MRAP: variants seen among roughly 807,000 people sequenced by gnomAD.
The protein encoded by MRAP is melanocortin 2 receptor accessory protein.
A neutral mutation model predicts 8.7 loss-of-function variants in MRAP; 8 were observed. The ratio of observed to expected loss-of-function variants is 0.92; its 90% CI spans 0.54 to 1.66. The LOEUF (loss-of-function observed/expected upper bound fraction) is 1.66. Ranked by LOEUF, MRAP falls within the 40% of genes most tolerant of loss-of-function variation. The pLI is 0.00. For missense variants in MRAP, 237 were observed against 217.1 expected (o/e 1.09, Z -0.58); for synonymous variants, 95 against 95.5 (o/e 1.00, Z 0.03).
chr21:32,295,394 G>A (rs1262313261), upstream of MRAP, among the ~76,000 whole-genome samples: 1 of 152,128 alleles, frequency 6.6e-6, no homozygotes, highest in African/African-American at 2.4e-5. Context: ...TGCCATGCTT[G>A]AGCCCACTCG....
chr21:32,297,364 T>C (rs1569024378), upstream of MRAP, among the ~76,000 whole-genome samples: 1 of 152,178 alleles, frequency 6.6e-6, no homozygotes, highest in African/African-American at 2.4e-5. Context: ...CATAATGGAA[T>C]ATAATAATCA....
intron 1 of MRAP, chr21:32,306,427 G>C: frequency 1.6e-6 from 1 of 615,824 alleles, no homozygotes; most frequent in South Asian, 1.8e-5. Context: ...CCCGTGGCCA[G>C]CTGCCCTGAG....
intron 1 of MRAP, among the ~76,000 whole-genome samples, chr21:32,303,267 G>A (rs1461042834): frequency 6.6e-6 from 1 of 152,136 alleles, no homozygotes; most frequent in Non-Finnish European, 1.5e-5. Flanking sequence ...TACAGGCTGA[G>A]GCACCATGCC....
chr21:32,310,022 G>C (rs138411259), intron 2 of MRAP, among the ~76,000 whole-genome samples: 87 of 152,234 alleles, frequency 5.7e-4, no homozygotes, highest in African/African-American at 1.9e-3. Flanking sequence ...ATAAACGAGT[G>C]ATGTCACCTT....
At chr21:32,298,235 C>CT (rs1362195965), upstream of MRAP, among the ~76,000 whole-genome samples, 1 of 152,140 alleles carries the variant, frequency 6.6e-6, no homozygotes, top group Non-Finnish European at 1.5e-5. Flanking sequence ...TGAGTGGACT[C>CT]TATTTCCCAA....
intron 1 of MRAP, among the ~76,000 whole-genome samples, chr21:32,305,785 T>C (rs914144142): frequency 1.3e-4 from 20 of 152,026 alleles, no homozygotes; most frequent in African/African-American, 4.4e-4. Flanking sequence ...ACGAGCCGGA[T>C]TGCCCACAGC....
chr21:32,292,984 T>C (rs898253913), intron 1 of MRAP: 1 of 152,196 alleles, frequency 6.6e-6, no homozygotes, highest in African/African-American at 2.4e-5. Flanking sequence ...TTACTTTATG[T>C]GGCAAAAGGG....
intron 2 of MRAP, among the ~76,000 whole-genome samples, chr21:32,308,320 T>C (rs1306934563): frequency 1.3e-5 from 2 of 151,338 alleles, no homozygotes; most frequent in Non-Finnish European, 2.9e-5. Flanking sequence ...GAGGTTGCAG[T>C]GAACCGAGAT....
At chr21:32,303,664 TTTCA>T (rs2032338065) in intron 1 of MRAP, among the ~76,000 whole-genome samples, 1 of 152,210 alleles carries the variant, frequency 6.6e-6, no homozygotes, top group South Asian at 2.1e-4. Flanking sequence ...GCTGGACCAC[TTTCA>T]TTGTCAACCC....
chr21:32,292,206 T>C (rs2032061883), intron 1 of MRAP, among the ~76,000 whole-genome samples: 1 of 152,118 alleles, frequency 6.6e-6, no homozygotes, highest in African/African-American at 2.4e-5. Context: ...TGAAATGATA[T>C]ATTTTGAATT....
chr21:32,295,370 G>A (rs1050362936), upstream of MRAP, among the ~76,000 whole-genome samples: 1 of 152,110 alleles, frequency 6.6e-6, no homozygotes, highest in Non-Finnish European at 1.5e-5. Context: ...CTCCCTGGGG[G>A]TGGGCTGTCC....
intron 1 of MRAP, among the ~76,000 whole-genome samples, chr21:32,300,244 C>T (rs1405320659): frequency 6.6e-6 from 1 of 152,096 alleles, no homozygotes; most frequent in African/African-American, 2.4e-5. Context: ...AAAAAGTAAA[C>T]GCAGACCAGG....
Position 32,299,035 on chromosome 21 carries a change from G to C in MRAP, c.64G>C (p.Asp22His). The change falls in exon 1 of 3, where the codon GAC becomes CAC. Residue 22 changes from aspartate (D) to histidine (H), a missense_variant. Asp to His is a moderately conservative substitution (Grantham distance 81, BLOSUM62 -1). Transcript: ENST00000303645. ...YSYEYYLDYLDLIPVDEKKLK... is the reference protein window; with the variant it reads ...YSYEYYLDYLHLIPVDEKKLK... ...CTATGAATACTACCTGGACTATCTG[G>C]ACCTCATTCCCGTGGACGAGAAGAA... The C allele has an allele frequency of 6.2e-7, 1 of 1,614,186 alleles. No homozygotes were observed. The highest frequency in any genetic ancestry group is 8.5e-7 in the Non-Finnish European group (1 of 1,180,024).
chr21:32,294,948 C>T (rs1167786062), upstream of MRAP, among the ~76,000 whole-genome samples: 4 of 151,802 alleles, frequency 2.6e-5, no homozygotes, highest in Non-Finnish European at 5.9e-5. Flanking sequence ...TTGACACTAA[C>T]AGAAAACATT....
chr21:32,294,081 C>T (rs2032097612), upstream of MRAP, among the ~76,000 whole-genome samples: 2 of 151,948 alleles, frequency 1.3e-5, no homozygotes, highest in South Asian at 2.1e-4. Context: ...TAATTTTATC[C>T]ATTCTGTAGA....
chr21:32,298,747 G>A (rs989387595), upstream of MRAP: 10 of 501,424 alleles, frequency 2.0e-5, no homozygotes, highest in Non-Finnish European at 2.6e-5. Context: ...ATCAAGAAGG[G>A]GCAGATGGGA....
intron 1 of MRAP, among the ~76,000 whole-genome samples, chr21:32,299,609 G>A (rs1253389761): frequency 6.6e-6 from 1 of 152,176 alleles, no homozygotes; most frequent in African/African-American, 2.4e-5. Flanking sequence ...GGGATTACAG[G>A]TGTGAGCCAC....
chr21:32,314,700 G>C (rs540569583), downstream of MRAP: 12 of 1,579,136 alleles, frequency 7.6e-6, no homozygotes, highest in African/African-American at 1.1e-4. Flanking sequence ...CACATTCCTT[G>C]CAACTCTGAT....
upstream of MRAP, among the ~76,000 whole-genome samples, chr21:32,296,145 C>T (rs541523107): frequency 6.6e-6 from 1 of 152,322 alleles, no homozygotes; most frequent in Admixed American, 6.5e-5. Context: ...CATCTTCTTT[C>T]TGTGCCTCGG....
Sources: allele counts gnomAD v4.1 joint callset (sites outside exome capture counted in the v4.1 genomes callset), GRCh38; gene constraint gnomAD v4.1.1; transcripts MANE v1.5; gene names NCBI Gene and HGNC (gene_info 2026-07-23, HGNC 2026-07-21).